CDC123: variants seen among roughly 807,000 people sequenced by gnomAD.
CDC123 encodes translation initiation factor eIF2 assembly protein.
CDC123 carries 37 observed loss-of-function variants against 54.4 expected under a neutral mutation model. The ratio of observed to expected loss-of-function variants is 0.68; its 90% CI spans 0.52 to 0.89. CDC123 has a LOEUF of 0.89. Ranked by LOEUF, CDC123 falls within the 40% of genes least tolerant of loss-of-function variation. CDC123 has a pLI of 0.00. For missense variants in CDC123, 361 were observed against 412.1 expected (o/e 0.88, Z 1.07); for synonymous variants, 144 against 136.8 (o/e 1.05, Z -0.37).
intron 2 of CDC123, among the ~76,000 whole-genome samples, chr10:12,202,623 C>T (rs781335944): frequency 4.6e-5 from 7 of 152,218 alleles, no homozygotes; most frequent in Non-Finnish European, 8.8e-5. Flanking sequence ...ACTGACCAGG[C>T]GGCTAGAAAT....
Position 12,237,152 on chromosome 10 carries a change from CAA to C in CDC123, c.576_577del (p.Asp194LeufsTer6), listed in dbSNP as rs1452052107. On this transcript the variant is annotated frameshift_variant, in exon 9 of 13. Coordinates refer to ENST00000281141, the MANE Select transcript of CDC123 (RefSeq NM_006023.3). LOFTEE classifies it high-confidence loss of function. ...VKENKLIGIS[Q>X]RDYTQYYDHI... is the part of the protein sequence containing the mutation. ...AAATATTTTCTTGTCAGGTATTTCT[CAA>C]AGAGACTACACACAATACTATGATC... 2.6e-6 allele frequency: 4 copies of C among 1,535,330 alleles called. No individual in the cohort carries two copies. Among genetic ancestry groups the C allele is most frequent in the East Asian group, 2.4e-5 (1 of 41,408 alleles).
At chr10:12,232,785 TTTC>T (rs1588680137) in intron 7 of CDC123, among the ~76,000 whole-genome samples, 1 of 113,704 alleles carries the variant, frequency 8.8e-6, no homozygotes, top group Admixed American at 9.9e-5. Context: ...TTTCCTTACC[TTTC>T]TTTTTTTTTT....
rs866534316 is a variant in CDC123 at position 12,249,795 on chromosome 10, T to C, written c.984+77T>C. ...AAATTGGCTTTTATATAATATTTCA[T>C]TGGAATCCTGTATCACCTAGACTTT... is the stretch of plus-strand genomic sequence containing the variant. On this transcript the variant is annotated intron_variant, in intron 12 of 12. Coordinates refer to ENST00000281141, the MANE Select transcript of CDC123 (RefSeq NM_006023.3). 4.4e-5 allele frequency: 66 copies of C among 1,506,560 alleles called. No homozygotes were observed. The African/African-American group carries it at 7.3e-4, about 17-fold the overall frequency. The allele number at this position is 1,506,560 out of a possible 1,614,324, so 93.3% of individuals were successfully genotyped here. A position where few individuals can be genotyped will look rare whatever the true frequency, so the allele number is the denominator to read the frequency against.
chr10:12,204,992 C>CAAA (rs35683792), intron 2 of CDC123, among the ~76,000 whole-genome samples: 5 of 64,478 alleles, frequency 7.8e-5, no homozygotes, highest in African/African-American at 1.0e-4. Context: ...GACTCCATAT[C>CAAA]AAAAAAAAAA....
At chr10:12,218,258 T>TC (rs1050383353) in intron 6 of CDC123, among the ~76,000 whole-genome samples, 30 of 147,810 alleles carry the variant, frequency 2.0e-4, no homozygotes, top group Non-Finnish European at 4.0e-4. Flanking sequence ...TTTTTTTTTT[T>TC]TTTTTTGAGG....
At chr10:12,228,205 G>T (rs1470629210) in intron 6 of CDC123, among the ~76,000 whole-genome samples, 1 of 152,056 alleles carries the variant, frequency 6.6e-6, no homozygotes, top group African/African-American at 2.4e-5. Flanking sequence ...AAAGTGTTGG[G>T]ATTACAGGTG....
intron 7 of CDC123, among the ~76,000 whole-genome samples, chr10:12,233,382 A>G (rs573168573): frequency 6.2e-4 from 95 of 152,138 alleles, no homozygotes; most frequent in Admixed American, 1.4e-3. Context: ...CAAGAAACCT[A>G]TAGCACTGGT....
rs1836134594 is a variant in CDC123 at position 12,246,232 on chromosome 10, G to T, written c.801G>T (p.Glu267Asp). ...TCACCTGGGAAGAACTGATATCTGA[G>T]AACAACTTAAACGGCGATTTTAGTG... Reference protein sequence around the residue: ...LLFTWEELISENNLNGDFSEV... With the variant: ...LLFTWEELISDNNLNGDFSEV... The change falls in exon 11 of 13, where the codon GAG becomes GAT. Residue 267 changes from glutamate (E) to aspartate (D), a missense_variant. Physicochemically the swap from Glu to Asp is conservative, Grantham distance 45 (BLOSUM62 2). Coordinates refer to ENST00000281141, the MANE Select transcript of CDC123 (RefSeq NM_006023.3). 6.2e-7 allele frequency: 1 copy of T among 1,614,166 alleles called. No individual in the cohort carries two copies. Among genetic ancestry groups the T allele is most frequent in the South Asian group, 1.1e-5 (1 of 91,068 alleles).
At chr10:12,228,287 T>C (rs541817791) in intron 6 of CDC123, among the ~76,000 whole-genome samples, 2 of 152,296 alleles carry the variant, frequency 1.3e-5, no homozygotes, top group African/African-American at 2.4e-5. Context: ...ATTAAAATAA[T>C]TTTTAATCGA....
intron 6 of CDC123, among the ~76,000 whole-genome samples, chr10:12,219,077 G>C (rs1445444532): frequency 6.6e-6 from 1 of 152,182 alleles, no homozygotes; most frequent in East Asian, 1.9e-4. Context: ...AGTTTGTCCT[G>C]CCAGTTCGTT....
At chr10:12,217,973 C>T (rs1835683628) in intron 6 of CDC123, among the ~76,000 whole-genome samples, 1 of 152,098 alleles carries the variant, frequency 6.6e-6, no homozygotes, top group South Asian at 2.1e-4. Context: ...CCTATAGTCT[C>T]AGCTACTCGG....
chr10:12,218,762 A>C (rs1192683920), intron 6 of CDC123, among the ~76,000 whole-genome samples: 1 of 152,154 alleles, frequency 6.6e-6, no homozygotes, highest in Non-Finnish European at 1.5e-5. Flanking sequence ...CTAGAAGTGG[A>C]ATTGCTGTAT....
At chr10:12,229,156 C>T (rs1835866525) in intron 6 of CDC123, among the ~76,000 whole-genome samples, 1 of 152,238 alleles carries the variant, frequency 6.6e-6, no homozygotes, top group Non-Finnish European at 1.5e-5. Flanking sequence ...GCTTCTCTGC[C>T]TCCCAGGTTG....
At chr10:12,238,528 G>A in intron 10 of CDC123, 43 bp downstream of exon 10, 1 of 1,595,350 alleles carries the variant, frequency 6.3e-7, no homozygotes, top group Non-Finnish European at 8.5e-7. Flanking sequence ...ATAAGAGCTG[G>A]TTTTATAAGC....
intron 6 of CDC123, among the ~76,000 whole-genome samples, chr10:12,224,662 G>A (rs953391991): frequency 2.6e-5 from 4 of 152,188 alleles, no homozygotes; most frequent in African/African-American, 9.7e-5. Flanking sequence ...ATTAGTGACT[G>A]TAGTTGAATA....
At chr10:12,235,259 A>G (rs1835963640) in intron 8 of CDC123, 136 bp downstream of exon 8, 1 of 687,218 alleles carries the variant, frequency 1.5e-6, no homozygotes, top group Non-Finnish European at 2.6e-6. Flanking sequence ...ACCTCTAACC[A>G]GTTGATACTG....
intron 2 of CDC123, among the ~76,000 whole-genome samples, chr10:12,201,272 C>G (rs932120573): frequency 6.6e-6 from 1 of 152,168 alleles, no homozygotes; most frequent in Non-Finnish European, 1.5e-5. Context: ...CATGGAACTA[C>G]TTTTATTATC....
intron 6 of CDC123, among the ~76,000 whole-genome samples, chr10:12,219,159 C>T (rs534001625): frequency 6.6e-6 from 1 of 152,150 alleles, no homozygotes; most frequent in African/African-American, 2.4e-5. Context: ...ACGTGTCGGT[C>T]GTGCATCAAC....
At chr10:12,238,360 C>G in intron 9 of CDC123, 97 bp from the exon 10 acceptor site, 1 of 1,370,868 alleles carries the variant, frequency 7.3e-7, no homozygotes, top group Admixed American at 2.4e-5. Context: ...CATTTATATT[C>G]TGCTGTCTTT....
Sources: allele counts gnomAD v4.1 joint callset (sites outside exome capture counted in the v4.1 genomes callset), GRCh38; gene constraint gnomAD v4.1.1; transcripts MANE v1.5; gene names NCBI Gene and HGNC (gene_info 2026-07-23, HGNC 2026-07-21).